The following IL1RAPL2 variants were observed in gnomAD, a reference collection of about 807,000 sequenced individuals.
IL1RAPL2 encodes the protein X-linked interleukin-1 receptor accessory protein-like 2.
Under a neutral mutation model 44.1 loss-of-function variants are expected in IL1RAPL2, and 3 were observed. The observed-to-expected ratio is 0.07, with a 90% confidence interval of 0.03 to 0.18. The LOEUF (loss-of-function observed/expected upper bound fraction) is 0.18. Ranked by LOEUF, IL1RAPL2 falls within the 10% of genes least tolerant of loss-of-function variation. The probability of loss-of-function intolerance (pLI) is 1.00; values close to 1 mark genes in which losing one functional copy is unlikely to be tolerated. For missense variants in IL1RAPL2, 391 were observed against 496.4 expected, an observed-to-expected ratio of 0.79 and a Z score of 2.02; for synonymous variants, 181 against 178.8, an observed-to-expected ratio of 1.01 and a Z score of -0.10.
At chrX:104,878,163 T>C (rs1382314007) in intron 2 of IL1RAPL2, among the ~76,000 whole-genome samples, 3 of 111,812 alleles carry the variant, frequency 2.7e-5, no homozygotes, top group South Asian at 7.4e-4. Flanking sequence ...CCCCGGCACA[T>C]TGGATCATTC....
chrX:104,932,468 T>C (rs1924931420), intron 2 of IL1RAPL2, among the ~76,000 whole-genome samples: 1 of 111,585 alleles, frequency 9.0e-6, no homozygotes, highest in African/African-American at 3.3e-5. Context: ...GAAGCAGTCA[T>C]GTGGATATTA....
At chrX:104,723,349 C>T (rs1206621767) in intron 2 of IL1RAPL2, among the ~76,000 whole-genome samples, 1 of 110,990 alleles carries the variant, frequency 9.0e-6, no homozygotes, top group Non-Finnish European at 1.9e-5. Flanking sequence ...ATTGCAGATA[C>T]ATGTAACGTC....
intron 6 of IL1RAPL2, among the ~76,000 whole-genome samples, chrX:105,614,584 G>T (rs2147828174): frequency 9.0e-6 from 1 of 111,121 alleles, no homozygotes; most frequent in African/African-American, 3.3e-5. Context: ...ATGGGGAAAG[G>T]GCAGTCTCTT....
At chrX:104,846,658 C>T (rs912416458) in intron 2 of IL1RAPL2, among the ~76,000 whole-genome samples, 2 of 111,814 alleles carry the variant, frequency 1.8e-5, no homozygotes, top group African/African-American at 6.5e-5. Flanking sequence ...AGTAAACATA[C>T]GTGTGCATGT....
At chrX:104,639,303 G>C (rs1019417178) in intron 1 of IL1RAPL2, among the ~76,000 whole-genome samples, 2 of 110,683 alleles carry the variant, frequency 1.8e-5, no homozygotes, top group Non-Finnish European at 3.8e-5. Context: ...TTTACTTTCA[G>C]TCTATGTGCA....
intron 5 of IL1RAPL2, among the ~76,000 whole-genome samples, chrX:105,363,698 A>T (rs1225329566): frequency 9.1e-6 from 1 of 110,310 alleles, no homozygotes. Flanking sequence ...GATAATTAGA[A>T]ATTTTGAGCA....
chrX:105,049,022 A>G (rs2031880753), intron 2 of IL1RAPL2, among the ~76,000 whole-genome samples: 1 of 111,704 alleles, frequency 9.0e-6, no homozygotes, highest in African/African-American at 3.3e-5. Context: ...TTTCATTCCA[A>G]AATCCCCTTT....
At chrX:104,987,301 G>A (rs1425063889) in intron 2 of IL1RAPL2, among the ~76,000 whole-genome samples, 1 of 110,811 alleles carries the variant, frequency 9.0e-6, no homozygotes, top group African/African-American at 3.3e-5. Context: ...GCTTTATTGA[G>A]AATGTGACTC....
chrX:105,421,701 C>A (rs909935659), intron 5 of IL1RAPL2, among the ~76,000 whole-genome samples: 10 of 111,393 alleles, frequency 9.0e-5, no homozygotes, highest in Non-Finnish European at 1.9e-4. Context: ...GCACATTACT[C>A]TGAAGTCCAT....
intron 5 of IL1RAPL2, among the ~76,000 whole-genome samples, chrX:105,306,272 C>T (rs1354695304): frequency 1.8e-5 from 2 of 110,796 alleles, no homozygotes; most frequent in Non-Finnish European, 3.8e-5. Context: ...AGATATCATG[C>T]CCCTTTCATC....
intron 7 of IL1RAPL2, among the ~76,000 whole-genome samples, chrX:105,731,885 G>A (rs1242795576): frequency 9.0e-6 from 1 of 110,950 alleles, no homozygotes; most frequent in African/African-American, 3.3e-5. Context: ...TTCAGTAGTA[G>A]AGAAGGGTGA....
intron 2 of IL1RAPL2, among the ~76,000 whole-genome samples, chrX:104,842,510 C>A (rs777505595): frequency 1.4e-4 from 16 of 111,981 alleles, no homozygotes; most frequent in African/African-American, 4.5e-4. Context: ...CACTGTTTTT[C>A]CCTCATCTTC....
At chrX:104,949,371 T>C (rs1331657629) in intron 2 of IL1RAPL2, among the ~76,000 whole-genome samples, 3 of 111,226 alleles carry the variant, frequency 2.7e-5, no homozygotes, top group Non-Finnish European at 5.6e-5. Flanking sequence ...AAAAACCAGC[T>C]CCTGGATTCA....
chrX:105,032,557 G>A lies in IL1RAPL2; in HGVS notation c.83-162918G>A, dbSNP rs1053684038. On this transcript the variant is annotated intron_variant, in intron 2 of 10. Coordinates refer to ENST00000372582, the MANE Select transcript of IL1RAPL2 (RefSeq NM_017416.2). ...AGTTTTGAGTAAGTTTCTTAATCCT[G>A]AGTTCTAGTTTAATTGCACTGTGGT... Among the ~76,000 whole-genome samples, 3 of 111,819 alleles carry A rather than the reference G, an allele frequency of 2.7e-5. No individual in the cohort carries two copies. In the East Asian group the frequency reaches 8.5e-4, roughly 32 times the overall value.
chrX:104,841,139 G>T (rs1438556017), intron 2 of IL1RAPL2, among the ~76,000 whole-genome samples: 1 of 111,871 alleles, frequency 8.9e-6, no homozygotes, highest in Admixed American at 9.5e-5. Flanking sequence ...TACAATTATG[G>T]AATGCCCTTC....
intron 2 of IL1RAPL2, among the ~76,000 whole-genome samples, chrX:104,752,755 G>C (rs757790252): frequency 3.6e-5 from 4 of 110,634 alleles, no homozygotes; most frequent in Non-Finnish European, 5.7e-5. Context: ...GATCACCTTC[G>C]TTATCTGCAG....
intron 2 of IL1RAPL2, among the ~76,000 whole-genome samples, chrX:104,700,136 A>G (rs1931251209): frequency 8.9e-6 from 1 of 112,140 alleles, no homozygotes; most frequent in Non-Finnish European, 1.9e-5. Context: ...AAACAATCTA[A>G]TGTACAGATA....
chrX:104,704,003 G>T (rs1931323136), intron 2 of IL1RAPL2, among the ~76,000 whole-genome samples: 2 of 104,491 alleles, frequency 1.9e-5, no homozygotes, highest in Admixed American at 2.1e-4. Flanking sequence ...AATTATCCCA[G>T]AAATCTGGGG....
chrX:105,743,965 A>AT (rs1233664912), intron 8 of IL1RAPL2, among the ~76,000 whole-genome samples: 1 of 111,789 alleles, frequency 8.9e-6, no homozygotes, highest in African/African-American at 3.2e-5. Context: ...AAAATACTGA[A>AT]TTTTTTAAGA....
Sources: gnomAD v4.1 joint callset for allele counts (sites outside exome capture counted in the v4.1 genomes callset) on GRCh38, gnomAD v4.1.1 for gene constraint, MANE v1.5 for transcripts, NCBI Gene and HGNC (gene_info 2026-07-23, HGNC 2026-07-21) for gene names.